FAM135B: variants seen among roughly 807,000 people sequenced by gnomAD.
The protein encoded by FAM135B is family with sequence similarity 135 member B.
Under a neutral mutation model 127.7 loss-of-function variants are expected in FAM135B, and 43 were observed. The observed-to-expected ratio is 0.34, with a 90% CI of 0.26 to 0.43. The LOEUF (loss-of-function observed/expected upper bound fraction) is 0.43, where lower values mean the gene tolerates loss of function less well. FAM135B is among the 20% of genes least tolerant of loss of function. The pLI, the probability that FAM135B is intolerant of heterozygous loss-of-function variation, is 1.00. For synonymous variants in FAM135B, 670 were observed against 665.1 expected, an observed-to-expected ratio of 1.01 and a Z score of -0.11; for missense variants, 1,558 against 1,725.6, an observed-to-expected ratio of 0.90 and a Z score of 1.72.
intron 1 of FAM135B, among the ~76,000 whole-genome samples, chr8:138,444,659 G>C (rs1380719738): frequency 6.6e-6 from 1 of 152,006 alleles, no homozygotes; most frequent in Non-Finnish European, 1.5e-5. Flanking sequence ...GCAGTGTGTA[G>C]AGGGAAATTT....
In FAM135B at chr8:138,367,937, T is replaced by G. The variant is rs1830858621; in HGVS notation, c.47A>C (p.Lys16Thr). 2 of 1,613,544 alleles carry G rather than the reference T, an allele frequency of 1.2e-6. No homozygotes were observed. The highest frequency in any genetic ancestry group is 8.5e-7 in the Non-Finnish European group (1 of 1,179,856). ...CTGAAAGAGATCCACATTATAAAAT[T>G]TATGTAGCTCTACCGAAAACTCAAC... ...GTVEFSVELH[K>T]FYNVDLFQRG... The change falls in exon 2 of 20, where the codon AAA becomes ACA. Residue 16 changes from lysine (K) to threonine (T), a missense_variant. Physicochemically the swap from Lys to Thr is moderately conservative, Grantham distance 78. Coordinates refer to ENST00000395297, the MANE Select transcript of FAM135B (RefSeq NM_015912.4).
intron 1 of FAM135B, among the ~76,000 whole-genome samples, chr8:138,494,758 T>A (rs1196614584): frequency 6.6e-6 from 1 of 151,580 alleles, no homozygotes; most frequent in African/African-American, 2.4e-5. Context: ...ATGAAAGTAA[T>A]CCTGCCCACG....
At chr8:138,291,792 A>G (rs569675230) in intron 3 of FAM135B, among the ~76,000 whole-genome samples, 1 of 152,334 alleles carries the variant, frequency 6.6e-6, no homozygotes, top group South Asian at 2.1e-4. Flanking sequence ...AATAAAGATC[A>G]TATATTTCAA....
At chr8:138,136,704 C>A (rs1233080765) in intron 19 of FAM135B, among the ~76,000 whole-genome samples, 1 of 152,208 alleles carries the variant, frequency 6.6e-6, no homozygotes, top group Non-Finnish European at 1.5e-5. Flanking sequence ...TCATTGTCAT[C>A]TCCAGGGATC....
At chr8:138,331,580 C>T (rs1337799034) in intron 2 of FAM135B, among the ~76,000 whole-genome samples, 1 of 152,064 alleles carries the variant, frequency 6.6e-6, no homozygotes, top group East Asian at 1.9e-4. Context: ...GCCACAAAAC[C>T]CTACACTACA....
chr8:138,399,352 G>T lies in FAM135B; in HGVS notation c.-19-31350C>A, dbSNP rs180983573. On this transcript the variant is annotated intron_variant, in intron 1 of 19. Coordinates refer to ENST00000395297, the MANE Select transcript of FAM135B (RefSeq NM_015912.4). ...TGAGACAGATTATTCCAGCTATTCA[G>T]CAGAGCAGTATTCAAATCTAGTCAA... Among the ~76,000 whole-genome samples the T allele has an allele frequency of 5.4e-3, 815 of 152,254 alleles. 5 individuals are homozygous for T. The highest frequency in any genetic ancestry group is 0.018 in the African/African-American group (763 of 41,560).
At chr8:138,371,862 G>T (rs1563945197) in intron 1 of FAM135B, among the ~76,000 whole-genome samples, 1 of 152,212 alleles carries the variant, frequency 6.6e-6, no homozygotes, top group Non-Finnish European at 1.5e-5. Flanking sequence ...TGCATTTGGT[G>T]TGCCTCTGAA....
intron 1 of FAM135B, among the ~76,000 whole-genome samples, chr8:138,477,889 T>C (rs1814583337): frequency 6.6e-6 from 1 of 152,106 alleles, no homozygotes. Flanking sequence ...CATGTCTGAT[T>C]ATAGAGCAGA....
intron 7 of FAM135B, among the ~76,000 whole-genome samples, chr8:138,220,061 T>TCA (rs3221962): frequency 0.1 from 14,807 of 146,444 alleles, 1,135 homozygotes; most frequent in East Asian, 0.23. Flanking sequence ...TTGCCTAAAA[T>TCA]CACACACACA....
At chr8:138,327,203 C>A (rs1827846355) in intron 2 of FAM135B, among the ~76,000 whole-genome samples, 1 of 152,050 alleles carries the variant, frequency 6.6e-6, no homozygotes, top group South Asian at 2.1e-4. Context: ...AGAGTGAAAA[C>A]AAAGGAAGCC....
At chr8:138,399,980 A>G (rs1277577545) in intron 1 of FAM135B, among the ~76,000 whole-genome samples, 1 of 152,228 alleles carries the variant, frequency 6.6e-6, no homozygotes, top group Non-Finnish European at 1.5e-5. Flanking sequence ...AGCCATGAAT[A>G]TATATCGTCA....
rs761682930 is a variant in FAM135B at position 138,151,416 on chromosome 8, AAGG to A, written c.3056_3058del (p.Thr1019_Phe1020delinsIle). On this transcript the variant is annotated inframe_deletion, in exon 13 of 20. Coordinates refer to ENST00000395297, the MANE Select transcript of FAM135B (RefSeq NM_015912.4). The stretch of plus-strand genomic sequence containing the variant: ...CACAGCCTTCAGGCTGTCCAGAGTA[AAGG>A]TCTCTGCAGAAGTCAGATGGGACCC... 6.2e-7 allele frequency: 1 copy of A among 1,614,068 alleles called. No homozygotes were observed. Among genetic ancestry groups the A allele is most frequent in the Non-Finnish European group, 8.5e-7 (1 of 1,179,978 alleles).
At chr8:138,205,714 T>C (rs1817501812) in intron 7 of FAM135B, among the ~76,000 whole-genome samples, 1 of 152,154 alleles carries the variant, frequency 6.6e-6, no homozygotes, top group East Asian at 1.9e-4. Context: ...ATTTAAAATA[T>C]AAAATTCAAA....
At chr8:138,149,023 T>C (rs901222917) in intron 13 of FAM135B, among the ~76,000 whole-genome samples, 4 of 150,408 alleles carry the variant, frequency 2.7e-5, no homozygotes, top group African/African-American at 9.8e-5. Context: ...GAGATATACC[T>C]AACGTAAATG....
At chr8:138,465,220 T>C (rs147032990) in intron 1 of FAM135B, among the ~76,000 whole-genome samples, 252 of 152,264 alleles carry the variant, frequency 1.7e-3, no homozygotes, top group African/African-American at 5.9e-3. Flanking sequence ...GTTGCACGTA[T>C]CAGGTGTTTA....
intron 12 of FAM135B, among the ~76,000 whole-genome samples, chr8:138,159,229 G>A (rs1311937594): frequency 2.3e-5 from 3 of 129,644 alleles, no homozygotes; most frequent in Non-Finnish European, 4.8e-5. Flanking sequence ...CCGAGATTGC[G>A]CCACTGCAGT....
chr8:138,415,612 T>C (rs548111137), intron 1 of FAM135B, among the ~76,000 whole-genome samples: 2 of 152,286 alleles, frequency 1.3e-5, no homozygotes, highest in East Asian at 3.9e-4. Flanking sequence ...ACTCTTTCCA[T>C]TTCCCATGAA....
intron 1 of FAM135B, among the ~76,000 whole-genome samples, chr8:138,491,401 T>A (rs555410446): frequency 1.3e-4 from 20 of 152,310 alleles, no homozygotes; most frequent in Non-Finnish European, 2.1e-4. Context: ...AAATGTTTCA[T>A]AAGAAATTTG....
intron 2 of FAM135B, among the ~76,000 whole-genome samples, chr8:138,328,624 A>G (rs990597190): frequency 9.2e-5 from 14 of 152,330 alleles, no homozygotes; most frequent in African/African-American, 3.1e-4. Context: ...ATTTACTCTA[A>G]TAAGTGTTAC....
Sources: allele counts gnomAD v4.1 joint callset (sites outside exome capture counted in the v4.1 genomes callset), GRCh38; gene constraint gnomAD v4.1.1; transcripts MANE v1.5; gene names NCBI Gene and HGNC (gene_info 2026-07-23, HGNC 2026-07-21).